Variants in ENTPD7 observed in about 807,000 individuals in gnomAD.
ENTPD7 encodes the protein ectonucleoside triphosphate diphosphohydrolase 7.
Under a neutral mutation model 77.9 loss-of-function variants are expected in ENTPD7, and 53 were observed. The ratio of observed to expected loss-of-function variants is 0.68; its 90% CI spans 0.55 to 0.85. The LOEUF (loss-of-function observed/expected upper bound fraction) is 0.85. Among genes scored for constraint, ENTPD7 ranks in the 40% least tolerant of loss-of-function variants. The pLI is 0.00. For synonymous variants in ENTPD7, 248 were observed against 274.9 expected (o/e 0.90, Z 0.97); for missense variants, 636 against 743.7 (o/e 0.86, Z 1.68).
chr10:99,680,737 C>T (rs1435202568), intron 5 of ENTPD7, among the ~76,000 whole-genome samples: 1 of 151,966 alleles, frequency 6.6e-6, no homozygotes, highest in Non-Finnish European at 1.5e-5. Flanking sequence ...CAGGTGGGCA[C>T]CATCACACCC....
chr10:99,677,171 C>A (rs761894637), intron 3 of ENTPD7, among the ~76,000 whole-genome samples: 4 of 152,042 alleles, frequency 2.6e-5, no homozygotes, highest in Non-Finnish European at 4.4e-5. Context: ...GATCCCTATA[C>A]CTTAAAGCCC....
rs199518762 is a variant in ENTPD7 at position 99,685,909 on chromosome 10, A to C, written c.652+14A>C. The C allele has an allele frequency of 7.4e-5, 117 of 1,588,864 alleles. No individual in the cohort carries two copies. In the African/African-American group the frequency reaches 1.4e-3, roughly 19 times the overall value. ...GGAAGCAGGAAGGTACTGGGCCTTA[A>C]GGGGTGCAGCTGGTTAACCTCTAAG... On this transcript the variant is annotated intron_variant, in intron 6 of 12. Coordinates refer to ENST00000370489, the MANE Select transcript of ENTPD7 (RefSeq NM_020354.5).
intron 3 of ENTPD7, among the ~76,000 whole-genome samples, chr10:99,678,931 A>G (rs1228042186): frequency 2.0e-5 from 3 of 150,150 alleles, no homozygotes; most frequent in Admixed American, 6.7e-5. Context: ...ACTTAATAGC[A>G]TATAACAAAA....
At chr10:99,680,423 T>C (rs997580190) in intron 5 of ENTPD7, among the ~76,000 whole-genome samples, 1 of 152,156 alleles carries the variant, frequency 6.6e-6, no homozygotes, top group Non-Finnish European at 1.5e-5. Flanking sequence ...AAGAGAAGGC[T>C]GTATTTAGGC....
chr10:99,679,401 A>G lies in ENTPD7; in HGVS notation c.332A>G (p.Asp111Gly). 1 of 1,614,178 alleles carries G rather than the reference A, an allele frequency of 6.2e-7. No homozygotes were observed. Among genetic ancestry groups the G allele is most frequent in the South Asian group, 1.1e-5 (1 of 91,078 alleles). The change falls in exon 4 of 13, where the codon GAC (aspartate) becomes GGC (glycine). Residue 111 changes from aspartate (D) to glycine (G), a missense_variant. Physicochemically the swap from Asp to Gly is moderately conservative, Grantham distance 94 (BLOSUM62 -1). Coordinates refer to ENST00000370489, the MANE Select transcript of ENTPD7 (RefSeq NM_020354.5). ...FWPRHNGNPH[D>G]LLDIKQMRDR... ...CCAAGACATAATGGGAACCCCCATG[A>G]CTTGCTGGACATCAAACAGATGAGA...
At chr10:99,671,817 T>TGC (rs2035621652) in intron 3 of ENTPD7, among the ~76,000 whole-genome samples, 1 of 152,246 alleles carries the variant, frequency 6.6e-6, no homozygotes, top group Non-Finnish European at 1.5e-5. Flanking sequence ...TGAAAGGTGG[T>TGC]GCCTTCATGT....
chr10:99,660,514 G>C (rs1380543189), intron 2 of ENTPD7: 1 of 437,314 alleles, frequency 2.3e-6, no homozygotes, highest in Admixed American at 2.7e-5. Flanking sequence ...GTAAAACCGA[G>C]GGAATGGATA....
rs1564641440 is a variant in ENTPD7, at chr10:99,710,523, C to T, written c.*5840C>T. On this transcript the variant is annotated 3_prime_UTR_variant, in exon 13 of 13. Coordinates refer to ENST00000370489, the MANE Select transcript of ENTPD7 (RefSeq NM_020354.5). ...TGTTAAGACTCTGTTTTTTCTACTGCTTCACATTAAACAATAATTTTGTTG... is the reference window on the plus strand; with the variant it reads ...TGTTAAGACTCTGTTTTTTCTACTGTTTCACATTAAACAATAATTTTGTTG... The T allele has an allele frequency of 6.1e-6, 6 of 985,376 alleles. No individual in the cohort carries two copies. The highest frequency in any genetic ancestry group is 6.0e-6 in the Non-Finnish European group (5 of 829,906). 61.0% of individuals were successfully genotyped at this position (985,376 alleles called of 1,614,324 possible).
intron 3 of ENTPD7, among the ~76,000 whole-genome samples, chr10:99,669,754 T>G (rs1379651789): frequency 1.5e-5 from 2 of 129,960 alleles, no homozygotes; most frequent in African/African-American, 5.8e-5. Context: ...TTTTTTTTTT[T>G]TTTTTTTTTT....
rs192360025 is a variant in ENTPD7 at position 99,687,369 on chromosome 10, G to A, written c.653-1325G>A. Among the ~76,000 whole-genome samples the A allele has an allele frequency of 3.8e-3, 515 of 135,748 alleles. 3 individuals are homozygous for A. Among genetic ancestry groups the A allele is most frequent in the African/African-American group, 0.014 (498 of 36,176 alleles). 89.1% of individuals were successfully genotyped at this position (135,748 alleles called of 152,430 possible). A position where few individuals can be genotyped will look rare whatever the true frequency, so the allele number is the denominator to read the frequency against. On this transcript the variant is annotated intron_variant, in intron 6 of 12. Coordinates refer to ENST00000370489, the MANE Select transcript of ENTPD7 (RefSeq NM_020354.5). ...GCAACCTCCGCTCCCTGGTTCAAGC[G>A]ACTCTCCTGCCTCAGCCTCCCGAGT...
At chr10:99,669,939 C>T (rs923710096) in intron 3 of ENTPD7, among the ~76,000 whole-genome samples, 7 of 151,702 alleles carry the variant, frequency 4.6e-5, no homozygotes, top group East Asian at 1.9e-4. Flanking sequence ...TTAGTAGAGA[C>T]GGGGTTTCAC....
intron 4 of ENTPD7, 75 bp downstream of exon 4, chr10:99,679,541 G>A (rs956349884): frequency 6.7e-6 from 10 of 1,493,450 alleles, no homozygotes; most frequent in Middle Eastern, 1.8e-4. Context: ...CAGAAAGCAA[G>A]CTACCCCTTT....
At chr10:99,681,421 G>A (rs551718471) in intron 5 of ENTPD7, among the ~76,000 whole-genome samples, 6 of 152,206 alleles carry the variant, frequency 3.9e-5, no homozygotes, top group African/African-American at 1.4e-4. Flanking sequence ...TGGGACCACA[G>A]GCATGTGCCA....
At chr10:99,695,010 T>G (rs187828412) in intron 8 of ENTPD7, among the ~76,000 whole-genome samples, 20 of 152,112 alleles carry the variant, frequency 1.3e-4, no homozygotes, top group Non-Finnish European at 2.5e-4. Context: ...GAGAATGGAA[T>G]GAGATTAAGT....
At position 99,707,694 on chromosome 10, in the gene ENTPD7, G is replaced by A. The variant is rs1409899878; in HGVS notation, c.*3011G>A. Reference sequence around the variant, plus strand: ...GTCACAAACATCAAAATAGGAGTCCGTGGCTTGTAGTGATGCTTTTTAGTC... The same window carrying A: ...GTCACAAACATCAAAATAGGAGTCCATGGCTTGTAGTGATGCTTTTTAGTC... On this transcript the variant is annotated 3_prime_UTR_variant, in exon 13 of 13. Coordinates refer to ENST00000370489, the MANE Select transcript of ENTPD7 (RefSeq NM_020354.5). 2.6e-5 allele frequency among the ~76,000 whole-genome samples: 4 copies of A among 152,308 alleles called. No homozygotes were observed. The highest frequency in any genetic ancestry group is 4.1e-4 in the South Asian group (2 of 4,832).
rs2133545100 is a variant in ENTPD7, at chr10:99,709,172, G to A, written c.*4489G>A. ...CTACAGCCTAGATGAAGGTATAAAT[G>A]CCTATTACATCTACCTCATTAAAGA... On this transcript the variant is annotated 3_prime_UTR_variant, in exon 13 of 13. Coordinates refer to ENST00000370489, the MANE Select transcript of ENTPD7 (RefSeq NM_020354.5). 1.0e-6 allele frequency: 1 copy of A among 985,204 alleles called. No homozygotes were observed. Among genetic ancestry groups the A allele is most frequent in the East Asian group, 1.1e-4 (1 of 8,808 alleles). The allele number at this position is 985,204 out of a possible 1,614,324, so 61.0% of individuals were successfully genotyped here. A position where few individuals can be genotyped will look rare whatever the true frequency, so the allele number is the denominator to read the frequency against.
In ENTPD7 at chr10:99,698,734, A is replaced by T. The variant is rs2036041550; in HGVS notation, c.1211A>T (p.Tyr404Phe). ...AGCCAGGCCTCACTCAATGGCATAT[A>T]TCAATCGCCTATTGACTTCAACAAC... ...NTSQASLNGI[Y>F]QSPIDFNNSE... Residue 404 changes from tyrosine (Y) to phenylalanine (F), a missense_variant, in exon 10 of 13, where the codon TAT (tyrosine) becomes TTT (phenylalanine). Transcript: ENST00000370489. The T allele has an allele frequency of 1.9e-6, 3 of 1,614,226 alleles. No homozygotes were observed. Among genetic ancestry groups the T allele is most frequent in the Non-Finnish European group, 2.5e-6 (3 of 1,180,036 alleles).
In ENTPD7 at chr10:99,704,665, A is replaced by G. The variant is rs1236141372; in HGVS notation, c.1797A>G (p.Gly599=). 6.2e-7 allele frequency: 1 copy of G among 1,613,790 alleles called. No individual in the cohort carries two copies. Among genetic ancestry groups the G allele is most frequent in the South Asian group, 1.1e-5 (1 of 91,040 alleles). ...LWLEEVVPMM[G]VQVGP is the part of the protein sequence containing the mutation. ...TTGAAGAGGTGGTGCCCATGATGGG[A>G]GTACAGGTGGGGCCGTGAGGCTGGA... The change falls in exon 13 of 13, where the codon GGA becomes GGG. Residue 599 remains glycine, a synonymous_variant. Coordinates refer to ENST00000370489, the MANE Select transcript of ENTPD7 (RefSeq NM_020354.5).
intron 12 of ENTPD7, among the ~76,000 whole-genome samples, chr10:99,704,038 T>TA (rs1217495846): frequency 1.3e-5 from 2 of 152,162 alleles, no homozygotes; most frequent in Non-Finnish European, 2.9e-5. Flanking sequence ...ATAGCAACTT[T>TA]AAAAAAAGGA....
Sources: gnomAD v4.1 joint callset for allele counts (sites outside exome capture counted in the v4.1 genomes callset) on GRCh38, gnomAD v4.1.1 for gene constraint, MANE v1.5 for transcripts, NCBI Gene and HGNC (gene_info 2026-07-23, HGNC 2026-07-21) for gene names.